DNAJC10: variants seen among roughly 807,000 people sequenced by gnomAD.
DNAJC10 encodes DnaJ heat shock protein family (Hsp40) member C10.
A neutral mutation model predicts 115.0 loss-of-function variants in DNAJC10; 101 were observed. The observed-to-expected ratio is 0.88, with a 90% CI of 0.75 to 1.04. DNAJC10 has a LOEUF of 1.04. Ranked by LOEUF, DNAJC10 falls within the 50% of genes least tolerant of loss-of-function variation. DNAJC10 has a pLI of 0.00. For synonymous variants in DNAJC10, 307 were observed against 301.5 expected (o/e 1.02, Z -0.19); for missense variants, 981 against 928.8 (o/e 1.06, Z -0.73).
chr2:182,734,536 C>T (rs186699313), intron 10 of DNAJC10, among the ~76,000 whole-genome samples: 1 of 151,668 alleles, frequency 6.6e-6, no homozygotes, highest in Non-Finnish European at 1.5e-5. Flanking sequence ...GAAAATGAAT[C>T]CTGTAATTCA....
chr2:182,717,172 G>T (rs1693015917), intron 2 of DNAJC10, 100 bp downstream of exon 2: 1 of 152,158 alleles, frequency 6.6e-6, no homozygotes. Flanking sequence ...GATCTCTTTG[G>T]AACTAAAATA....
At position 182,775,296 on chromosome 2, in the gene DNAJC10, A is replaced by T. The variant is rs1189762663; in HGVS notation, c.2266-20A>T. 2 of 1,420,226 alleles carry T rather than the reference A, an allele frequency of 1.4e-6. No homozygotes were observed. The highest frequency in any genetic ancestry group is 1.4e-5 in the African/African-American group (1 of 70,172). 88.0% of individuals were successfully genotyped at this position (1,420,226 alleles called of 1,614,324 possible). On this transcript the variant is annotated intron_variant, in intron 22 of 23. Coordinates refer to ENST00000264065, the MANE Select transcript of DNAJC10 (RefSeq NM_018981.4). ...GTTTTTATTAAATACTTAAAAGATA[A>T]CAAGTGTTTTTAATTTTAGAGAAAT... is the stretch of plus-strand genomic sequence containing the variant.
chr2:182,768,275 C>T (rs572802449), intron 22 of DNAJC10, among the ~76,000 whole-genome samples: 6 of 152,208 alleles, frequency 3.9e-5, no homozygotes, highest in Admixed American at 3.3e-4. Context: ...CTCTATTTCT[C>T]AGTTTTCAGA....
At chr2:182,726,165 T>C (rs1359610054) in intron 5 of DNAJC10, among the ~76,000 whole-genome samples, 1 of 152,134 alleles carries the variant, frequency 6.6e-6, no homozygotes, top group Admixed American at 6.5e-5. Context: ...CTTTGAGGTG[T>C]TCAAGGCTTC....
intron 22 of DNAJC10, among the ~76,000 whole-genome samples, chr2:182,773,909 C>T (rs1025927460): frequency 3.3e-5 from 5 of 152,290 alleles, no homozygotes; most frequent in Admixed American, 1.3e-4. Context: ...GGAGAAGAGG[C>T]GCTCTGATTT....
At chr2:182,754,082 G>A (rs545532243) in intron 16 of DNAJC10, among the ~76,000 whole-genome samples, 3 of 152,016 alleles carry the variant, frequency 2.0e-5, no homozygotes, top group Non-Finnish European at 4.4e-5. Context: ...TTTATACAGT[G>A]GGTTTTATCA....
intron 10 of DNAJC10, 133 bp from the exon 11 acceptor site, chr2:182,736,114 CTT>C: frequency 1.7e-6 from 1 of 597,030 alleles, no homozygotes; most frequent in East Asian, 3.5e-5. Flanking sequence ...TACTTTTTAA[CTT>C]TGCTGTAGAA....
chr2:182,766,192 C>G (rs1403565893), intron 22 of DNAJC10, among the ~76,000 whole-genome samples: 1 of 152,110 alleles, frequency 6.6e-6, no homozygotes, highest in East Asian at 1.9e-4. Flanking sequence ...TTTAAGAATC[C>G]AGGCGTTCTG....
chr2:182,723,194 C>G (rs1314014681), intron 5 of DNAJC10, among the ~76,000 whole-genome samples: 1 of 151,968 alleles, frequency 6.6e-6, no homozygotes, highest in Non-Finnish European at 1.5e-5. Flanking sequence ...TGCCCGCTAC[C>G]ACACCCAGTT....
chr2:182,751,563 T>C, intron 14 of DNAJC10, 95 bp from the exon 15 acceptor site: 1 of 1,365,306 alleles, frequency 7.3e-7, no homozygotes, highest in Non-Finnish European at 1.0e-6. Flanking sequence ...TCATAATTTA[T>C]CTTCTTTAGT....
chr2:182,752,190 T>C lies in DNAJC10; in HGVS notation c.1551+2T>C. On this transcript the variant is annotated splice_donor_variant, in intron 16 of 23. Transcript: ENST00000264065. LOFTEE classifies it high-confidence loss of function. Reference sequence around the variant, plus strand: ...GTTCATGAGGGACTCTGTAACATGGTAAGGCAAAGTATCAAAAATTATTCT... The same window carrying C: ...GTTCATGAGGGACTCTGTAACATGGCAAGGCAAAGTATCAAAAATTATTCT... The C allele has an allele frequency of 7.1e-7, 1 of 1,405,916 alleles. No homozygotes were observed. Among genetic ancestry groups the C allele is most frequent in the Non-Finnish European group, 9.7e-7 (1 of 1,035,926 alleles). The allele number at this position is 1,405,916 out of a possible 1,614,324, so 87.1% of individuals were successfully genotyped here.
intron 10 of DNAJC10, among the ~76,000 whole-genome samples, chr2:182,734,562 A>G (rs933877055): frequency 6.6e-6 from 1 of 151,810 alleles, no homozygotes; most frequent in African/African-American, 2.4e-5. Flanking sequence ...ACACATTTCT[A>G]TAAAATCAGT....
intron 22 of DNAJC10, among the ~76,000 whole-genome samples, chr2:182,770,662 C>T (rs930716779): frequency 7.9e-5 from 12 of 152,108 alleles, no homozygotes; most frequent in African/African-American, 2.9e-4. Context: ...GATTTTGTAT[C>T]CTGAGACTTT....
rs758186963 is a variant in DNAJC10 at position 182,758,895 on chromosome 2, G to T, written c.1997+5G>T. Reference sequence around the variant, plus strand: ...CCTGAGAATCTGGGGTCTAGGGTGAGTAATTAAAATATATATCATTGTATA... The same window carrying T: ...CCTGAGAATCTGGGGTCTAGGGTGATTAATTAAAATATATATCATTGTATA... On this transcript the variant is annotated splice_donor_5th_base_variant and intron_variant, in intron 20 of 23. Coordinates refer to ENST00000264065, the MANE Select transcript of DNAJC10 (RefSeq NM_018981.4). 1.7e-5 allele frequency: 27 copies of T among 1,581,942 alleles called. No homozygotes were observed. The highest frequency in any genetic ancestry group is 2.3e-5 in the Non-Finnish European group (27 of 1,151,560).
rs548642310 is a variant in DNAJC10 at position 182,740,345 on chromosome 2, A to C, written c.1034A>C (p.His345Pro). ...AAAGAAATATATTTGGAAGTAATAC[A>C]TAATCTTCCAGATTTTGAACTACTT... ...DAKEIYLEVIHNLPDFELLSA... is the reference protein window; with the variant it reads ...DAKEIYLEVIPNLPDFELLSA... The change falls in exon 12 of 24, where the codon CAT (histidine) becomes CCT (proline). Residue 345 changes from histidine (H) to proline (P), a missense_variant. Coordinates refer to ENST00000264065, the MANE Select transcript of DNAJC10 (RefSeq NM_018981.4). The C allele has an allele frequency of 4.5e-6, 7 of 1,562,830 alleles. No individual in the cohort carries two copies. Among genetic ancestry groups the C allele is most frequent in the Non-Finnish European group, 3.5e-6 (4 of 1,154,984 alleles).
At chr2:182,768,193 G>A (rs776911093) in intron 22 of DNAJC10, among the ~76,000 whole-genome samples, 5 of 152,218 alleles carry the variant, frequency 3.3e-5, no homozygotes, top group Non-Finnish European at 7.4e-5. Context: ...ACAATCTAGA[G>A]CAAGCAGAAC....
At chr2:182,766,837 T>C (rs1455090515) in intron 22 of DNAJC10, among the ~76,000 whole-genome samples, 1 of 152,034 alleles carries the variant, frequency 6.6e-6, no homozygotes, top group African/African-American at 2.4e-5. Context: ...GGGCGGCCTC[T>C]AATCTACTTA....
chr2:182,756,785 T>A (rs914318963), intron 18 of DNAJC10, among the ~76,000 whole-genome samples: 3 of 152,020 alleles, frequency 2.0e-5, no homozygotes, highest in Admixed American at 6.6e-5. Context: ...ATTACAGGCA[T>A]GTGCCACCAC....
chr2:182,765,370 A>C (rs866470915), intron 22 of DNAJC10, among the ~76,000 whole-genome samples: 6 of 152,214 alleles, frequency 3.9e-5, no homozygotes, highest in Admixed American at 6.5e-5. Context: ...AAGGCAGGTC[A>C]GCATCCCACC....
Sources: gnomAD v4.1 joint callset for allele counts (sites outside exome capture counted in the v4.1 genomes callset) on GRCh38, gnomAD v4.1.1 for gene constraint, MANE v1.5 for transcripts, NCBI Gene and HGNC (gene_info 2026-07-23, HGNC 2026-07-21) for gene names.